The following MAGI1 variants were observed in gnomAD, a reference collection of about 807,000 sequenced individuals.
The protein encoded by MAGI1 is membrane-associated guanylate kinase, WW and PDZ domain-containing protein 1.
MAGI1 carries 58 observed loss-of-function variants against 139.9 expected under a neutral mutation model. The observed-to-expected ratio is 0.41, with a 90% CI of 0.34 to 0.52. The LOEUF (loss-of-function observed/expected upper bound fraction) is 0.52, where lower values mean the gene tolerates loss of function less well. Among genes scored for constraint, MAGI1 ranks in the 20% least tolerant of loss-of-function variants. MAGI1 has a pLI of 0.12. For synonymous variants in MAGI1, 812 were observed against 737.9 expected (o/e 1.10, Z -1.63); for missense variants, 1,874 against 1,901.6 (o/e 0.99, Z 0.27).
At chr3:65,653,928 G>A (rs1049472611) in intron 1 of MAGI1, among the ~76,000 whole-genome samples, 26 of 152,124 alleles carry the variant, frequency 1.7e-4, no homozygotes, top group African/African-American at 6.3e-4. Flanking sequence ...ATATTTCCAT[G>A]GTGAGGAGGA....
At chr3:65,396,904 G>A (rs536775672) in intron 13 of MAGI1, among the ~76,000 whole-genome samples, 100 of 152,268 alleles carry the variant, frequency 6.6e-4, no homozygotes, top group African/African-American at 2.4e-3. Flanking sequence ...AAAGGTGGGC[G>A]AGAGGAGTTA....
chr3:65,363,319 G>T, intron 21 of MAGI1, 146 bp downstream of exon 21: 4 of 896,314 alleles, frequency 4.5e-6, no homozygotes, highest in Non-Finnish European at 4.8e-6. Flanking sequence ...AGAAATATTT[G>T]GTAGGGTAGG....
intron 18 of MAGI1, among the ~76,000 whole-genome samples, chr3:65,367,968 A>C (rs969620660): frequency 6.6e-6 from 1 of 152,234 alleles, no homozygotes; most frequent in Non-Finnish European, 1.5e-5. Flanking sequence ...AAATAATTTT[A>C]GGTATACCCT....
At chr3:65,459,747 AC>A (rs1949648402) in intron 5 of MAGI1, among the ~76,000 whole-genome samples, 1 of 152,060 alleles carries the variant, frequency 6.6e-6, no homozygotes, top group Non-Finnish European at 1.5e-5. Flanking sequence ...ACACAGAAAA[AC>A]CCTGTCTCTA....
At chr3:65,397,529 A>AT (rs567332426) in intron 13 of MAGI1, among the ~76,000 whole-genome samples, 1,585 of 141,286 alleles carry the variant, frequency 0.011, 11 homozygotes, top group African/African-American at 0.014. Context: ...TTTTTGTAGG[A>AT]TTTTTTTTTT....
At position 65,356,727 on chromosome 3, in the gene MAGI1, C is replaced by T. The variant is rs767401164; in HGVS notation, c.4040G>A (p.Arg1347Gln). 6 of 1,593,310 alleles carry T rather than the reference C, an allele frequency of 3.8e-6. No homozygotes were observed. In the South Asian group the frequency reaches 5.7e-5, roughly 15 times the overall value. The change falls in exon 23 of 23, where the codon CGA (arginine) becomes CAA (glutamine). Residue 1347 changes from arginine (R) to glutamine (Q), a missense_variant. Physicochemically the swap from Arg to Gln is conservative, Grantham distance 43. This residue lies in a region of MAGI1 where 653 missense variants were observed against 644.5 expected (regional missense o/e 1.01). Transcript: ENST00000402939. ...TCGCCTCCGCTCCGGAGAGACGTCT[C>T]GTCTCTTCTCGTGCTTCTCCCTCCT... ...LERREKHEKR[R>Q]DVSPERRRER...
At position 65,363,865 on chromosome 3, in the gene MAGI1, T is replaced by G. The variant is rs181958522; in HGVS notation, c.3352-257A>C. ...TTAATCAGTGAGGCTGTGATTTGCA[T>G]TTGGGGAAGGACAATTCCTCATTAC... On this transcript the variant is annotated intron_variant, in intron 20 of 22. Coordinates refer to ENST00000402939, the MANE Select transcript of MAGI1 (RefSeq NM_001033057.2). Among the ~76,000 whole-genome samples the G allele has an allele frequency of 4.6e-4, 70 of 152,312 alleles. 1 individual carries two copies. The highest frequency in any genetic ancestry group is 1.5e-3 in the South Asian group (7 of 4,820).
chr3:65,373,229 C>G (rs1245652315), intron 18 of MAGI1, among the ~76,000 whole-genome samples: 1 of 152,016 alleles, frequency 6.6e-6, no homozygotes, highest in Non-Finnish European at 1.5e-5. Flanking sequence ...TATTTATTGT[C>G]CTAATTTCAA....
intron 12 of MAGI1, among the ~76,000 whole-genome samples, chr3:65,405,668 C>T (rs961359861): frequency 6.6e-6 from 1 of 152,024 alleles, no homozygotes; most frequent in African/African-American, 2.4e-5. Flanking sequence ...GATCTTGCCT[C>T]ACTGCAACCT....
intron 13 of MAGI1, among the ~76,000 whole-genome samples, chr3:65,399,375 C>A (rs944974953): frequency 2.6e-5 from 4 of 152,190 alleles, no homozygotes; most frequent in Non-Finnish European, 5.9e-5. Context: ...TTTCAAGCCA[C>A]CTGTACAGAA....
At chr3:65,851,738 G>A (rs1414732331) in intron 1 of MAGI1, among the ~76,000 whole-genome samples, 1 of 151,864 alleles carries the variant, frequency 6.6e-6, no homozygotes, top group Non-Finnish European at 1.5e-5. Flanking sequence ...AACAGAGCAA[G>A]TCTCTGTCTC....
chr3:65,863,662 C>T (rs926487902), intron 1 of MAGI1, among the ~76,000 whole-genome samples: 1 of 152,152 alleles, frequency 6.6e-6, no homozygotes, highest in Non-Finnish European at 1.5e-5. Flanking sequence ...GACAGATCCA[C>T]TCTACTGCTA....
intron 13 of MAGI1, among the ~76,000 whole-genome samples, chr3:65,400,750 A>ATTTATTT (rs1944809245): frequency 1.7e-5 from 1 of 60,574 alleles, no homozygotes; most frequent in African/African-American, 6.7e-5. Context: ...CAAAACATTG[A>ATTTATTT]TTTTTTTTTT....
At chr3:65,591,052 C>T (rs79019723) in intron 2 of MAGI1, among the ~76,000 whole-genome samples, 5 of 152,264 alleles carry the variant, frequency 3.3e-5, no homozygotes, top group East Asian at 3.9e-4. Context: ...CACAAAGCTA[C>T]GTGTGCAAGG....
chr3:65,530,419 G>T (rs1170900166), intron 2 of MAGI1, among the ~76,000 whole-genome samples: 1 of 151,842 alleles, frequency 6.6e-6, no homozygotes, highest in Non-Finnish European at 1.5e-5. Flanking sequence ...TTCTAGACTA[G>T]CCTGGGCAAT....
chr3:65,413,277 C>T (rs914582930), intron 12 of MAGI1, among the ~76,000 whole-genome samples: 2 of 152,170 alleles, frequency 1.3e-5, no homozygotes, highest in African/African-American at 2.4e-5. Flanking sequence ...TGCTTAATTG[C>T]AACAGAGGCC....
rs765094156 is a variant in MAGI1 at position 65,375,909 on chromosome 3, C to T, written c.3032G>A (p.Arg1011Gln). ...ACVAMPHKIG[R>Q]IIEGSPADRC... ...GTCAGCAGGGCTCCCCTCAATAATCCGACCTATTTTGTGAGGCATAGCCAC... is the reference window on the plus strand; with the variant it reads ...GTCAGCAGGGCTCCCCTCAATAATCTGACCTATTTTGTGAGGCATAGCCAC... The change falls in exon 18 of 23, where the codon CGG becomes CAG. Residue 1011 changes from arginine to glutamine, a missense_variant. Physicochemically the swap from Arg to Gln is conservative, Grantham distance 43. Transcript: ENST00000402939. 8 of 1,613,972 alleles carry T rather than the reference C, an allele frequency of 5.0e-6. No individual in the cohort carries two copies. The highest frequency in any genetic ancestry group is 2.2e-5 in the East Asian group (1 of 44,864).
intron 1 of MAGI1, among the ~76,000 whole-genome samples, chr3:65,781,758 G>A (rs1055839007): frequency 6.6e-6 from 1 of 152,144 alleles, no homozygotes; most frequent in African/African-American, 2.4e-5. Context: ...CAGCTACCAC[G>A]GAAGAGATTT....
chr3:65,499,058 C>T, intron 2 of MAGI1: 1 of 892,124 alleles, frequency 1.1e-6, no homozygotes. Context: ...GAAAACCGCT[C>T]TTAAAAAAAA....
Sources: allele counts gnomAD v4.1 joint callset (sites outside exome capture counted in the v4.1 genomes callset), GRCh38; gene constraint gnomAD v4.1.1; regional missense constraint gnomAD v4.1.1; transcripts MANE v1.5; gene names NCBI Gene and HGNC (gene_info 2026-07-23, HGNC 2026-07-21).